The following CACNA1A variants were observed in gnomAD, a reference collection of about 807,000 sequenced individuals.
CACNA1A encodes calcium voltage-gated channel subunit alpha1 A.
CACNA1A carries 57 observed loss-of-function variants against 262.4 expected under a neutral mutation model. That is an observed-to-expected ratio of 0.22 (90% CI 0.18 to 0.27). CACNA1A has a LOEUF of 0.27. Among genes scored for constraint, CACNA1A ranks in the 10% least tolerant of loss-of-function variants. The pLI is 1.00. For synonymous variants in CACNA1A, 1,431 were observed against 1,419.3 expected (o/e 1.01, Z -0.18); for missense variants, 2,526 against 3,562.8 (o/e 0.71, Z 7.41).
chr19:13,322,217 A>G (rs1484252698), intron 10 of CACNA1A, among the ~76,000 whole-genome samples: 2 of 151,698 alleles, frequency 1.3e-5, no homozygotes, highest in African/African-American at 2.4e-5. Context: ...AAAAAAAAAA[A>G]AAAGAAATCG....
intron 30 of CACNA1A, 157 bp from the exon 31 acceptor site, chr19:13,245,422 T>A: frequency 1.6e-6 from 1 of 645,150 alleles, no homozygotes; most frequent in Non-Finnish European, 2.9e-6. Flanking sequence ...CTGTTCGACA[T>A]CATCTGTGCT....
chr19:13,374,951 G>A lies in CACNA1A; in HGVS notation c.540-3172C>T, dbSNP rs1042648704. 4.6e-5 allele frequency among the ~76,000 whole-genome samples: 7 copies of A among 152,144 alleles called. No homozygotes were observed. In the East Asian group the frequency reaches 7.7e-4, roughly 17 times the overall value. On this transcript the variant is annotated intron_variant, in intron 3 of 46. Transcript: ENST00000360228. ...CTCCCAAAGTGCTGGGATTATGGAC[G>A]TGAGCCACCACACCGGCCGAGGAAG...
At chr19:13,503,844 G>C (rs567502859) in intron 1 of CACNA1A, among the ~76,000 whole-genome samples, 1 of 151,994 alleles carries the variant, frequency 6.6e-6, no homozygotes, top group Non-Finnish European at 1.5e-5. Context: ...AGCCCCGGGC[G>C]AGCTGGCCAG....
At chr19:13,403,922 T>A (rs10410192) in intron 3 of CACNA1A, among the ~76,000 whole-genome samples, 44,294 of 151,708 alleles carry the variant, frequency 0.29, 11,768 homozygotes, top group African/African-American at 0.69. Context: ...ATGCCACTGC[T>A]CTCCAGCCTG....
intron 12 of CACNA1A, among the ~76,000 whole-genome samples, chr19:13,312,174 C>T (rs555859152): frequency 2.6e-5 from 4 of 152,162 alleles, no homozygotes; most frequent in Non-Finnish European, 5.9e-5. Flanking sequence ...GGGTGTTAAT[C>T]ACATTTAAAA....
In CACNA1A at chr19:13,207,586, G is replaced by C. The variant is rs1421457173; in HGVS notation, c.7248C>G (p.Asp2416Glu). The change falls in exon 47 of 47, where the codon GAC becomes GAG. Residue 2416 changes from aspartate to glutamate, a missense_variant. Around this residue, in one of 17 missense-constraint regions of CACNA1A, gnomAD observed 929 missense variants for 868.1 expected, o/e 1.07. Transcript: ENST00000360228. The surrounding 1 kb of genome is among the most constrained non-coding windows in gnomAD (Gnocchi z 5.7). ...HHGYYRGSDY[D>E]EADGPGSGGG... The stretch of plus-strand genomic sequence containing the variant: ...CCCCGCTGCCCGGGCCATCGGCCTC[G>C]TCGTAGTCGGAGCCCCGGTAGTAGC... 3.4e-6 allele frequency: 5 copies of C among 1,480,590 alleles called. No homozygotes were observed. The highest frequency in any genetic ancestry group is 3.6e-6 in the Non-Finnish European group (4 of 1,115,754). The allele number at this position is 1,480,590 out of a possible 1,614,324, so 91.7% of individuals were successfully genotyped here.
At position 13,460,503 on chromosome 19, in the gene CACNA1A, A is replaced by T. The variant is rs182767402; in HGVS notation, c.294-5291T>A. 3.9e-5 allele frequency among the ~76,000 whole-genome samples: 6 copies of T among 152,282 alleles called. No homozygotes were observed. In the East Asian group the frequency reaches 1.2e-3, roughly 29 times the overall value. ...TAAAAGCAATGTTGGAATGCGACAA[A>T]AGCAGAAAAGAAAATTTCAGCCTAA... On this transcript the variant is annotated intron_variant, in intron 1 of 46. Transcript: ENST00000360228.
chr19:13,374,270 C>G (rs1282734181), intron 3 of CACNA1A, among the ~76,000 whole-genome samples: 1 of 152,100 alleles, frequency 6.6e-6, no homozygotes, highest in Non-Finnish European at 1.5e-5. Flanking sequence ...TTTTTGGAGA[C>G]AGGGACTTAT....
intron 38 of CACNA1A, among the ~76,000 whole-genome samples, chr19:13,219,592 G>T (rs144859198): frequency 6.6e-6 from 1 of 152,272 alleles, no homozygotes; most frequent in African/African-American, 2.4e-5. Context: ...CTTCTGCCAA[G>T]ATTCTGTTTA....
At chr19:13,389,262 C>T (rs1438034400) in intron 3 of CACNA1A, among the ~76,000 whole-genome samples, 1 of 152,184 alleles carries the variant, frequency 6.6e-6, no homozygotes, top group Non-Finnish European at 1.5e-5. Flanking sequence ...GTCTGGAGCT[C>T]TCACTCATTC....
intron 3 of CACNA1A, among the ~76,000 whole-genome samples, chr19:13,388,245 C>CTTTTTT (rs1161893626): frequency 1.9e-4 from 16 of 85,714 alleles, no homozygotes; most frequent in East Asian, 7.5e-4. Flanking sequence ...TCTTCCTCTT[C>CTTTTTT]TTTTTTTTTT....
intron 30 of CACNA1A, 78 bp from the exon 31 acceptor site, chr19:13,245,343 T>TA (rs2056199488): frequency 1.8e-6 from 2 of 1,088,458 alleles, no homozygotes; most frequent in South Asian, 1.2e-5. Flanking sequence ...GGGTGCATGT[T>TA]AGAGGCACAG....
intron 19 of CACNA1A, among the ~76,000 whole-genome samples, chr19:13,298,068 C>T (rs1213333208): frequency 6.6e-6 from 1 of 151,966 alleles, no homozygotes; most frequent in Admixed American, 6.6e-5. Flanking sequence ...AGTGATCCGC[C>T]CGCCTCGGCC....
chr19:13,301,473 A>G lies in CACNA1A; in HGVS notation c.2173-817T>C, dbSNP rs184537472. Among the ~76,000 whole-genome samples the G allele has an allele frequency of 6.0e-3, 919 of 152,342 alleles. 7 individuals are homozygous for G. The highest frequency in any genetic ancestry group is 8.3e-3 in the Non-Finnish European group (562 of 68,022). ...TATATTCCCAGCCCCCATGACAGGA[A>G]GGCGGTGGGGAGAGGAGAGCAGGGC... On this transcript the variant is annotated intron_variant, in intron 17 of 46. Coordinates refer to ENST00000360228, the MANE Select transcript of CACNA1A (RefSeq NM_001127222.2).
rs758833290 is a variant in CACNA1A, at chr19:13,241,507, GAAGT to G, written c.4950+3671_4950+3674del. On this transcript the variant is annotated intron_variant, in intron 31 of 46. Coordinates refer to ENST00000360228, the MANE Select transcript of CACNA1A (RefSeq NM_001127222.2). The surrounding 1 kb of genome is among the most constrained non-coding windows in gnomAD (Gnocchi z 4.0). ...ATGTAAGGCATTTAGACTTCAGAAA[GAAGT>G]AAGACCAACCGGATTCTAGATGCAG... is the stretch of plus-strand genomic sequence containing the variant. The G allele has an allele frequency of 1.3e-5, 17 of 1,304,882 alleles. No individual in the cohort carries two copies. Among genetic ancestry groups the G allele is most frequent in the African/African-American group, 1.5e-5 (1 of 64,522 alleles). The allele number at this position is 1,304,882 out of a possible 1,614,324, so 80.8% of individuals were successfully genotyped here. A position where few individuals can be genotyped will look rare whatever the true frequency, so the allele number is the denominator to read the frequency against.
At position 13,308,629 on chromosome 19, in the gene CACNA1A, C is replaced by A; in HGVS notation, c.1669-101G>T. 1.5e-6 allele frequency: 1 copy of A among 665,108 alleles called. No homozygotes were observed. The highest frequency in any genetic ancestry group is 2.0e-5 in the South Asian group (1 of 48,922). The allele number at this position is 665,108 out of a possible 1,614,324, so 41.2% of individuals were successfully genotyped here. On this transcript the variant is annotated intron_variant, in intron 12 of 46. Coordinates refer to ENST00000360228, the MANE Select transcript of CACNA1A (RefSeq NM_001127222.2). The surrounding 1 kb of genome is among the most constrained non-coding windows in gnomAD (Gnocchi z 4.2). Reference sequence around the variant, plus strand: ...AACCTTGCAAGAACTCAACCAAACTCCTCCCTCCAAATGGAAGCCGGGTGA... The same window carrying A: ...AACCTTGCAAGAACTCAACCAAACTACTCCCTCCAAATGGAAGCCGGGTGA...
At chr19:13,399,694 A>C (rs1044236124) in intron 3 of CACNA1A, among the ~76,000 whole-genome samples, 4 of 152,112 alleles carry the variant, frequency 2.6e-5, no homozygotes, top group African/African-American at 4.8e-5. Flanking sequence ...TGCCAAAAAC[A>C]ACCACCAACC....
intron 2 of CACNA1A, among the ~76,000 whole-genome samples, chr19:13,453,786 A>G (rs553503282): frequency 4.6e-5 from 7 of 152,232 alleles, no homozygotes; most frequent in Non-Finnish European, 8.8e-5. Flanking sequence ...TCGAGCTACA[A>G]TCATTTTCAC....
intron 3 of CACNA1A, chr19:13,451,300 C>A: frequency 6.6e-6 from 1 of 152,386 alleles, no homozygotes; most frequent in Non-Finnish European, 1.5e-5. Context: ...TGCAACCCAT[C>A]ACATCCGCCA....
Sources: allele counts gnomAD v4.1 joint callset (sites outside exome capture counted in the v4.1 genomes callset), GRCh38; gene constraint gnomAD v4.1.1; regional missense constraint gnomAD v4.1.1; non-coding constraint Gnocchi (gnomAD v3.1); transcripts MANE v1.5; gene names NCBI Gene and HGNC (gene_info 2026-07-23, HGNC 2026-07-21).